The following NPHP1 variants were observed in gnomAD, a reference collection of about 807,000 sequenced individuals.
NPHP1 encodes nephrocystin 1, also known as nephrocystin-1.
NPHP1 carries 70 observed loss-of-function variants against 90.4 expected under a neutral mutation model. The observed-to-expected ratio is 0.77, with a 90% confidence interval of 0.64 to 0.95. The LOEUF is 0.95. Ranked by LOEUF, NPHP1 falls within the 40% of genes least tolerant of loss-of-function variation. The pLI, the probability that NPHP1 is intolerant of heterozygous loss-of-function variation, is 0.00. For synonymous variants in NPHP1, 256 were observed against 271.7 expected (o/e 0.94, Z 0.57); for missense variants, 764 against 795.9 (o/e 0.96, Z 0.48).
chr2:110,131,790 G>A lies in NPHP1; in HGVS notation c.1531C>T (p.Leu511=), dbSNP rs567306113. 3.0e-5 allele frequency: 46 copies of A among 1,559,014 alleles called. 1 individual carries two copies. The highest frequency in any genetic ancestry group is 3.6e-5 in the Non-Finnish European group (41 of 1,130,602). The change falls in exon 17 of 20, where the codon CTA becomes TTA. Residue 511 remains leucine, a splice_region_variant and synonymous_variant. Transcript: ENST00000445609. ...TTTCCAATTAATGTTTCTGGCAGTA[G>A]ACTATTAAAGAAGAAAAAAATGTAT... is the stretch of plus-strand genomic sequence containing the variant. The part of the protein sequence containing the change: ...LNRRSRNVLS[L]LPETLIGNMC...
At chr2:110,168,602 G>A (rs762628126) in intron 5 of NPHP1, 49 bp from the exon 6 acceptor site, 3 of 1,219,738 alleles carry the variant, frequency 2.5e-6, no homozygotes, top group Non-Finnish European at 3.6e-6. Context: ...CAATAATCAT[G>A]AGTATATGTC....
At chr2:110,151,762 G>C (rs1400825144) in intron 11 of NPHP1, among the ~76,000 whole-genome samples, 6 of 152,034 alleles carry the variant, frequency 3.9e-5, no homozygotes, top group African/African-American at 1.4e-4. Flanking sequence ...ACTACCTTGT[G>C]ATTACTGTAA....
intron 16 of NPHP1, among the ~76,000 whole-genome samples, chr2:110,132,831 G>A (rs563019762): frequency 6.6e-6 from 1 of 152,130 alleles, no homozygotes; most frequent in South Asian, 2.1e-4. Flanking sequence ...GTTGGTATTA[G>A]TTTAAAATAG....
intron 1 of NPHP1, among the ~76,000 whole-genome samples, chr2:110,202,149 T>C (rs1685614066): frequency 1.3e-5 from 2 of 152,180 alleles, no homozygotes; most frequent in Admixed American, 1.3e-4. Context: ...TCCATTGTAT[T>C]GAATGTATCA....
intron 2 of NPHP1, among the ~76,000 whole-genome samples, chr2:110,183,834 A>C (rs1192726283): frequency 6.6e-6 from 1 of 152,134 alleles, no homozygotes; most frequent in African/African-American, 2.4e-5. Flanking sequence ...CTCTCCACCC[A>C]AAAACAACAA....
intron 11 of NPHP1, among the ~76,000 whole-genome samples, chr2:110,151,607 T>C (rs1681475939): frequency 6.6e-6 from 1 of 152,132 alleles, no homozygotes; most frequent in Admixed American, 6.5e-5. Context: ...AGTAGGAATA[T>C]AGGAGTATTT....
intron 11 of NPHP1, among the ~76,000 whole-genome samples, chr2:110,154,216 T>G (rs1229279809): frequency 6.6e-6 from 1 of 152,194 alleles, no homozygotes; most frequent in African/African-American, 2.4e-5. Flanking sequence ...ACAAGCGCTC[T>G]TCTCTTGTCT....
At chr2:110,137,618 C>T (rs1680299354) in intron 16 of NPHP1, among the ~76,000 whole-genome samples, 1 of 152,162 alleles carries the variant, frequency 6.6e-6, no homozygotes, top group Non-Finnish European at 1.5e-5. Flanking sequence ...ATCAAAACCA[C>T]AATGAGATAC....
At chr2:110,156,886 C>G (rs563886034) in intron 11 of NPHP1, among the ~76,000 whole-genome samples, 2 of 151,676 alleles carry the variant, frequency 1.3e-5, no homozygotes, top group Admixed American at 1.3e-4. Context: ...AAGTGATTCT[C>G]CTGCCTCAGC....
intron 2 of NPHP1, 121 bp downstream of exon 2, chr2:110,201,300 A>G: frequency 2.6e-6 from 2 of 758,644 alleles, no homozygotes; most frequent in Non-Finnish European, 4.5e-6. Flanking sequence ...TCTACATTCA[A>G]CTTACAACAC....
At chr2:110,165,928 T>C (rs1190742382) in intron 6 of NPHP1, among the ~76,000 whole-genome samples, 2 of 152,170 alleles carry the variant, frequency 1.3e-5, no homozygotes, top group Non-Finnish European at 2.9e-5. Flanking sequence ...TAAAATATTA[T>C]GTATCAATAA....
chr2:110,131,374 A>C (rs868550292), intron 17 of NPHP1, among the ~76,000 whole-genome samples: 1 of 152,168 alleles, frequency 6.6e-6, no homozygotes, highest in African/African-American at 2.4e-5. Context: ...ACACATGGGA[A>C]AAAACAGATT....
chr2:110,179,877 A>G (rs1365813674), intron 2 of NPHP1, among the ~76,000 whole-genome samples, 193 bp from the exon 3 acceptor site: 3 of 152,142 alleles, frequency 2.0e-5, no homozygotes, highest in African/African-American at 7.2e-5. Flanking sequence ...TAAAACACAT[A>G]GACATGATAA....
At chr2:110,133,513 A>G (rs1679941547) in intron 16 of NPHP1, among the ~76,000 whole-genome samples, 1 of 152,102 alleles carries the variant, frequency 6.6e-6, no homozygotes, top group Non-Finnish European at 1.5e-5. Context: ...AAGATCAATA[A>G]CACTGTAGAC....
intron 6 of NPHP1, among the ~76,000 whole-genome samples, chr2:110,167,375 A>C (rs1682793880): frequency 6.6e-6 from 1 of 152,112 alleles, no homozygotes; most frequent in African/African-American, 2.4e-5. Context: ...AAGAGGGGAG[A>C]GGAGCTGGAG....
intron 2 of NPHP1, among the ~76,000 whole-genome samples, chr2:110,200,245 A>T (rs1685481654): frequency 2.0e-5 from 3 of 148,704 alleles, no homozygotes; most frequent in Admixed American, 1.4e-4. Flanking sequence ...ACAGAGAGAG[A>T]CTCTATCTCA....
chr2:110,189,240 T>A (rs1053915429), intron 2 of NPHP1, among the ~76,000 whole-genome samples: 3 of 152,184 alleles, frequency 2.0e-5, no homozygotes, highest in Admixed American at 2.0e-4. Context: ...ACTTCAAGAA[T>A]GAAGCCGTGG....
intron 16 of NPHP1, among the ~76,000 whole-genome samples, chr2:110,138,511 A>G (rs1680382441): frequency 6.6e-6 from 1 of 152,060 alleles, no homozygotes; most frequent in Non-Finnish European, 1.5e-5. Flanking sequence ...GATCTTGTAT[A>G]CATTTGACCT....
At chr2:110,166,759 T>C (rs914186889) in intron 6 of NPHP1, among the ~76,000 whole-genome samples, 9 of 152,166 alleles carry the variant, frequency 5.9e-5, no homozygotes, top group Non-Finnish European at 1.3e-4. Flanking sequence ...TGGATGCTAA[T>C]CCCATGTTCT....
Sources: gnomAD v4.1 joint callset for allele counts (sites outside exome capture counted in the v4.1 genomes callset) on GRCh38, gnomAD v4.1.1 for gene constraint, MANE v1.5 for transcripts, NCBI Gene and HGNC (gene_info 2026-07-23, HGNC 2026-07-21) for gene names.